NEK9: variants seen among roughly 807,000 people sequenced by gnomAD.
NEK9 encodes the protein NIMA related kinase 9.
Under a neutral mutation model 123.4 loss-of-function variants are expected in NEK9, and 75 were observed. The observed-to-expected ratio is 0.61, with a 90% CI of 0.50 to 0.74. The LOEUF (loss-of-function observed/expected upper bound fraction) is 0.74. NEK9 is among the 30% of genes least tolerant of loss of function. The pLI, the probability that NEK9 is intolerant of heterozygous loss-of-function variation, is 0.00. For missense variants in NEK9, 952 were observed against 1,214.4 expected, an observed-to-expected ratio of 0.78 and a Z score of 3.21; for synonymous variants, 438 against 458.7, an observed-to-expected ratio of 0.95 and a Z score of 0.58.
At chr14:75,120,728 G>A in intron 3 of NEK9, 148 bp from the exon 4 acceptor site, 2 of 646,320 alleles carry the variant, frequency 3.1e-6, no homozygotes, top group East Asian at 2.8e-5. Context: ...AGGTTGAGTA[G>A]GCAAAGAAAA....
intron 8 of NEK9, 41 bp from the exon 9 acceptor site, chr14:75,110,412 GT>G: frequency 6.7e-7 from 1 of 1,484,680 alleles, no homozygotes. Context: ...GAAATAATAG[GT>G]TTTTATATTG....
chr14:75,105,639 C>T (rs983981878), intron 13 of NEK9, among the ~76,000 whole-genome samples: 2 of 152,206 alleles, frequency 1.3e-5, no homozygotes, highest in Non-Finnish European at 1.5e-5. Flanking sequence ...AGTATCTTCT[C>T]GAGTTTTCCA....
intron 19 of NEK9, among the ~76,000 whole-genome samples, chr14:75,089,793 G>A (rs908515844): frequency 1.3e-5 from 2 of 152,082 alleles, no homozygotes; most frequent in African/African-American, 4.8e-5. Context: ...CCACCTCCTG[G>A]GTTCAAGCGA....
intron 5 of NEK9, among the ~76,000 whole-genome samples, chr14:75,118,362 C>T (rs1895209491): frequency 6.6e-6 from 1 of 152,160 alleles, no homozygotes; most frequent in Admixed American, 6.5e-5. Flanking sequence ...AATGATCTTT[C>T]TCAAAATCAT....
rs1219551330 is a variant in NEK9 at position 75,117,331 on chromosome 14, G to A, written c.631-5C>T. The A allele has an allele frequency of 6.3e-7, 1 of 1,595,884 alleles. No individual in the cohort carries two copies. The highest frequency in any genetic ancestry group is 8.5e-7 in the Non-Finnish European group (1 of 1,175,142). On this transcript the variant is annotated splice_region_variant and splice_polypyrimidine_tract_variant and intron_variant, in intron 5 of 21. Transcript: ENST00000238616. The stretch of plus-strand genomic sequence containing the variant: ...GTAATATGGGGTTCCCACAAGCTGA[G>A]CAACAAAGAAACAATCAAAGAATAA...
intron 21 of NEK9, among the ~76,000 whole-genome samples, chr14:75,086,187 A>AAAAAATAAAAAT (rs149123282): frequency 1.4e-4 from 20 of 145,432 alleles, no homozygotes; most frequent in South Asian, 1.3e-3. Flanking sequence ...AGACTGTCTC[A>AAAAAATAAAAAT]AAAAATAAAA....
At position 75,095,430 on chromosome 14, in the gene NEK9, C is replaced by T. The variant is rs1184994323; in HGVS notation, c.2175G>A (p.Glu725=). Residue 725 remains glutamate (E), a splice_region_variant and synonymous_variant, in exon 18 of 22, where the codon GAG becomes GAA. Coordinates refer to ENST00000238616, the MANE Select transcript of NEK9 (RefSeq NM_033116.6). ...GGATGGTCTTAGAATTCAATACTTT[C>T]TCTGAGAAAAAATATTTGGTAGGTA... ...CRGWHTILIV[E]KVLNSKTIRS... is the part of the protein sequence containing the mutation. 3 of 1,611,494 alleles carry T rather than the reference C, an allele frequency of 1.9e-6. No homozygotes were observed. The highest frequency in any genetic ancestry group is 2.2e-5 in the East Asian group (1 of 44,864).
At chr14:75,115,991 G>C (rs542079430) in intron 6 of NEK9, among the ~76,000 whole-genome samples, 3 of 152,022 alleles carry the variant, frequency 2.0e-5, no homozygotes, top group African/African-American at 7.2e-5. Context: ...TAACACCCAC[G>C]ATGTGTTAGG....
intron 16 of NEK9, among the ~76,000 whole-genome samples, chr14:75,097,957 C>A (rs189668507): frequency 6.4e-4 from 97 of 152,330 alleles, no homozygotes; most frequent in Non-Finnish European, 1.1e-3. Flanking sequence ...TGAGGTCCTG[C>A]TCACATAGGG....
At chr14:75,108,780 C>A (rs1224721689) in intron 10 of NEK9, among the ~76,000 whole-genome samples, 1 of 152,104 alleles carries the variant, frequency 6.6e-6, no homozygotes, top group Non-Finnish European at 1.5e-5. Context: ...GTCTCAAACT[C>A]CTGGCCTCAA....
Position 75,117,342 on chromosome 14 carries a change from A to G in NEK9, c.631-16T>C. The G allele has an allele frequency of 6.3e-7, 1 of 1,589,540 alleles. No individual in the cohort carries two copies. The highest frequency in any genetic ancestry group is 1.2e-5 in the South Asian group (1 of 86,614). On this transcript the variant is annotated splice_polypyrimidine_tract_variant and intron_variant, in intron 5 of 21. Transcript: ENST00000238616. ...TTCCCACAAGCTGAGCAACAAAGAA[A>G]CAATCAAAGAATAACTTCTTTTCTG...
At chr14:75,096,167 C>G (rs1380230259) in intron 17 of NEK9, among the ~76,000 whole-genome samples, 1 of 151,238 alleles carries the variant, frequency 6.6e-6, no homozygotes, top group Non-Finnish European at 1.5e-5. Flanking sequence ...CCTGTAGTCC[C>G]AGCTACTCGA....
intron 6 of NEK9, 138 bp downstream of exon 6, chr14:75,117,057 A>G: frequency 9.7e-7 from 1 of 1,030,244 alleles, no homozygotes; most frequent in Non-Finnish European, 1.4e-6. Context: ...CATTTTAGTA[A>G]TAGATTACTA....
intron 11 of NEK9, 109 bp from the exon 12 acceptor site, chr14:75,106,811 A>T: frequency 1.3e-6 from 1 of 768,548 alleles, no homozygotes; most frequent in Non-Finnish European, 2.1e-6. Context: ...ATCTCACATG[A>T]ATTGATTATA....
intron 6 of NEK9, chr14:75,116,720 C>T (rs182643885): frequency 5.3e-5 from 9 of 168,626 alleles, no homozygotes; most frequent in Admixed American, 4.5e-4. Flanking sequence ...CTCCACTTCC[C>T]GGGTTCAAGT....
chr14:75,125,912 G>A (rs1343778770), intron 1 of NEK9, among the ~76,000 whole-genome samples: 2 of 152,160 alleles, frequency 1.3e-5, no homozygotes, highest in South Asian at 2.1e-4. Context: ...GTTTTTGGAA[G>A]TAGAATAATC....
rs114875332 is a variant in NEK9 at position 75,097,814 on chromosome 14, C to T, written c.2003-544G>A. 9.2e-3 allele frequency among the ~76,000 whole-genome samples: 1,399 copies of T among 152,094 alleles called. 29 individuals are homozygous for T. The highest frequency in any genetic ancestry group is 0.032 in the African/African-American group (1,341 of 41,464). ...CTTGAACAGAGATCTACTGGAGTGACGAAGAGTTTCCAGGCAGAGAGAAGA... is the reference window on the plus strand; with the variant it reads ...CTTGAACAGAGATCTACTGGAGTGATGAAGAGTTTCCAGGCAGAGAGAAGA... On this transcript the variant is annotated intron_variant, in intron 16 of 21. Coordinates refer to ENST00000238616, the MANE Select transcript of NEK9 (RefSeq NM_033116.6).
At chr14:75,111,611 C>T (rs1894960053) in intron 8 of NEK9, among the ~76,000 whole-genome samples, 1 of 152,146 alleles carries the variant, frequency 6.6e-6, no homozygotes, top group African/African-American at 2.4e-5. Context: ...AGTGATTATG[C>T]CGTGTGTGGT....
In NEK9 at chr14:75,088,504, T is replaced by C. The variant is rs113113400; in HGVS notation, c.2580A>G (p.Glu860=). ...CCGAGGCTTCTACTTGGGGTTTGTG[T>C]TCCAAAGGAGCTTCAGAGGCCACTT... The part of the protein sequence containing the change: ...GLKVASEAPL[E]HKPQVEASSP... The change falls in exon 20 of 22, where the codon GAA becomes GAG. Residue 860 remains glutamate (E), a synonymous_variant. Transcript: ENST00000238616. The C allele has an allele frequency of 1.2e-6, 2 of 1,613,990 alleles. No individual in the cohort carries two copies. The highest frequency in any genetic ancestry group is 1.7e-6 in the Non-Finnish European group (2 of 1,179,962).
Sources: gnomAD v4.1 joint callset for allele counts (sites outside exome capture counted in the v4.1 genomes callset) on GRCh38, gnomAD v4.1.1 for gene constraint, MANE v1.5 for transcripts, NCBI Gene and HGNC (gene_info 2026-07-23, HGNC 2026-07-21) for gene names.